Variants in DPF3 observed in about 807,000 individuals in gnomAD.
DPF3 encodes the protein double PHD fingers 3.
Under a neutral mutation model 56.8 loss-of-function variants are expected in DPF3, and 18 were observed. That is an observed-to-expected ratio of 0.32 (90% CI 0.22 to 0.47). DPF3 has a LOEUF of 0.47. Among genes scored for constraint, DPF3 ranks in the 20% least tolerant of loss-of-function variants. The pLI is 1.00. For synonymous variants in DPF3, 188 were observed against 180.2 expected, an observed-to-expected ratio of 1.04 and a Z score of -0.35; for missense variants, 403 against 488.8, an observed-to-expected ratio of 0.82 and a Z score of 1.65.
At chr14:72,733,550 A>C (rs1215011684) in intron 3 of DPF3, among the ~76,000 whole-genome samples, 1 of 152,154 alleles carries the variant, frequency 6.6e-6, no homozygotes, top group African/African-American at 2.4e-5. Context: ...GCCAGGAACC[A>C]AGGGAAGAAA....
At chr14:72,732,405 T>C (rs957173874) in intron 3 of DPF3, among the ~76,000 whole-genome samples, 1 of 152,190 alleles carries the variant, frequency 6.6e-6, no homozygotes, top group African/African-American at 2.4e-5. Flanking sequence ...TTCCCTCCTA[T>C]CCCAGCTCTT....
intron 5 of DPF3, among the ~76,000 whole-genome samples, chr14:72,716,020 C>T (rs1268664573): frequency 2.0e-5 from 3 of 151,882 alleles, no homozygotes; most frequent in Admixed American, 6.6e-5. Context: ...CTCCACACCC[C>T]TCTGTGAAGC....
intron 1 of DPF3, among the ~76,000 whole-genome samples, chr14:72,777,623 G>A (rs890248625): frequency 6.6e-6 from 1 of 152,182 alleles, no homozygotes; most frequent in Non-Finnish European, 1.5e-5. Context: ...GGCCTAGTGG[G>A]AGGTGTTTAG....
Position 72,825,934 on chromosome 14 carries a change from G to C in DPF3, c.33-54041C>G, listed in dbSNP as rs148575098. Reference sequence around the variant, plus strand: ...ATAAGAAAAGTCTGCCCTTCTCAGAGATCAATAAGTGCAAATTACTTGAGA... The same window carrying C: ...ATAAGAAAAGTCTGCCCTTCTCAGACATCAATAAGTGCAAATTACTTGAGA... On this transcript the variant is annotated intron_variant, in intron 1 of 10. Transcript: ENST00000556509. Among the ~76,000 whole-genome samples the C allele has an allele frequency of 5.3e-4, 81 of 152,122 alleles. 1 individual carries two copies. In the East Asian group the frequency reaches 0.013, roughly 25 times the overall value.
intron 9 of DPF3, among the ~76,000 whole-genome samples, chr14:72,623,596 G>A (rs1232120616): frequency 6.6e-6 from 1 of 152,144 alleles, no homozygotes; most frequent in African/African-American, 2.4e-5. Flanking sequence ...TGGTATTATT[G>A]AAGAGCAAGA....
intron 9 of DPF3, among the ~76,000 whole-genome samples, chr14:72,624,502 C>T (rs574690643): frequency 4.6e-5 from 7 of 152,046 alleles, no homozygotes; most frequent in African/African-American, 1.7e-4. Context: ...CCATGCCTGG[C>T]TAATTTTTGT....
intron 1 of DPF3, among the ~76,000 whole-genome samples, chr14:72,886,086 G>C (rs1006149913): frequency 1.4e-4 from 22 of 152,122 alleles, no homozygotes; most frequent in African/African-American, 4.8e-4. Context: ...AAAAGGGTCT[G>C]GGCAGCTGGG....
At chr14:72,752,256 T>A (rs1186692960) in intron 3 of DPF3, among the ~76,000 whole-genome samples, 1 of 152,180 alleles carries the variant, frequency 6.6e-6, no homozygotes, top group Admixed American at 6.5e-5. Context: ...CATCCCAGCC[T>A]GGCACCCTCA....
At chr14:72,732,427 C>G (rs767104121) in intron 3 of DPF3, among the ~76,000 whole-genome samples, 1 of 152,230 alleles carries the variant, frequency 6.6e-6, no homozygotes, top group Non-Finnish European at 1.5e-5. Context: ...TCTGTCAACC[C>G]CATGACCTCC....
intron 1 of DPF3, among the ~76,000 whole-genome samples, chr14:72,866,074 C>G (rs1470496386): frequency 6.6e-6 from 1 of 152,102 alleles, no homozygotes; most frequent in East Asian, 1.9e-4. Context: ...GAAAGCAGCA[C>G]TAATGCCCTG....
rs183955862 is a variant in DPF3 at position 72,877,210 on chromosome 14, G to A, written c.32+16847C>T. ...GCAGAAAGCAAAAGAAAAAGGAAAGGCTTTCCAGCGGGCTTTTTCTTCCCA... is the reference window on the plus strand; with the variant it reads ...GCAGAAAGCAAAAGAAAAAGGAAAGACTTTCCAGCGGGCTTTTTCTTCCCA... On this transcript the variant is annotated intron_variant, in intron 1 of 10. Transcript: ENST00000556509. Among the ~76,000 whole-genome samples the A allele has an allele frequency of 7.6e-4, 116 of 152,286 alleles. 1 individual carries two copies. Among genetic ancestry groups the A allele is most frequent in the African/African-American group, 2.6e-3 (110 of 41,564 alleles).
At chr14:72,708,063 A>T (rs1280079333) in intron 6 of DPF3, among the ~76,000 whole-genome samples, 3 of 152,206 alleles carry the variant, frequency 2.0e-5, no homozygotes, top group Admixed American at 6.5e-5. Context: ...ATCAAGAAAC[A>T]GTTAGTGGAG....
intron 3 of DPF3, among the ~76,000 whole-genome samples, chr14:72,739,667 C>T (rs1890048151): frequency 6.6e-6 from 1 of 152,202 alleles, no homozygotes; most frequent in Non-Finnish European, 1.5e-5. Flanking sequence ...GAATGAGACG[C>T]AGCTGGAAAG....
chr14:72,884,062 C>G lies in DPF3; in HGVS notation c.32+9995G>C, dbSNP rs889016530. Among the ~76,000 whole-genome samples, 3 of 152,196 alleles carry G rather than the reference C, an allele frequency of 2.0e-5. No homozygotes were observed. The East Asian group carries it at 5.8e-4, about 29-fold the overall frequency. On this transcript the variant is annotated intron_variant, in intron 1 of 10. Coordinates refer to ENST00000556509, the MANE Select transcript of DPF3 (RefSeq NM_001280542.3). ...CACTTCTTCTCTCTCCCTCAGTCAT[C>G]TCAGTTGAAGGAGGAGCCAGAGACC...
At chr14:72,701,060 G>T (rs531130535) in intron 6 of DPF3, among the ~76,000 whole-genome samples, 1 of 152,340 alleles carries the variant, frequency 6.6e-6, no homozygotes, top group African/African-American at 2.4e-5. Context: ...TATCATGTCG[G>T]CATTCTCACT....
intron 1 of DPF3, among the ~76,000 whole-genome samples, chr14:72,814,841 T>C (rs1883217283): frequency 6.6e-6 from 1 of 150,932 alleles, no homozygotes; most frequent in South Asian, 2.1e-4. Flanking sequence ...TCGACATGGA[T>C]CGTAGAGCTA....
rs940563056 is a variant in DPF3, at chr14:72,879,523, G to A, written c.32+14534C>T. Among the ~76,000 whole-genome samples, 3 of 152,200 alleles carry A rather than the reference G, an allele frequency of 2.0e-5. No homozygotes were observed. In the South Asian group the frequency reaches 6.2e-4, roughly 32 times the overall value. ...GCTCTGCATGGCCCAGGGCAGGTGTGGCCAGTTCTACCTGAGGGTCAGCAA... is the reference window on the plus strand; with the variant it reads ...GCTCTGCATGGCCCAGGGCAGGTGTAGCCAGTTCTACCTGAGGGTCAGCAA... On this transcript the variant is annotated intron_variant, in intron 1 of 10. Transcript: ENST00000556509.
At chr14:72,753,529 T>A (rs536226546) in intron 2 of DPF3, among the ~76,000 whole-genome samples, 158 bp from the exon 3 acceptor site, 1 of 152,296 alleles carries the variant, frequency 6.6e-6, no homozygotes, top group Admixed American at 6.5e-5. Flanking sequence ...GTGGCAAGGC[T>A]GAATCTAGGT....
chr14:72,850,806 C>T (rs1283905370), intron 1 of DPF3, among the ~76,000 whole-genome samples: 1 of 117,710 alleles, frequency 8.5e-6, no homozygotes, highest in African/African-American at 2.9e-5. Context: ...TGCATGTGTG[C>T]ATGTGTGTGT....
Sources: allele counts gnomAD v4.1 joint callset (sites outside exome capture counted in the v4.1 genomes callset), GRCh38; gene constraint gnomAD v4.1.1; transcripts MANE v1.5; gene names NCBI Gene and HGNC (gene_info 2026-07-23, HGNC 2026-07-21).